Variants in FBXO30 observed in about 807,000 individuals in gnomAD.
FBXO30 encodes F-box only protein 30.
A neutral mutation model predicts 58.1 loss-of-function variants in FBXO30; 21 were observed. The observed-to-expected ratio is 0.36, with a 90% CI of 0.26 to 0.52. The LOEUF (loss-of-function observed/expected upper bound fraction) is 0.52, where lower values mean the gene tolerates loss of function less well. FBXO30 is among the 20% of genes least tolerant of loss of function. The probability of loss-of-function intolerance (pLI) is 0.93; values close to 1 mark genes in which losing one functional copy is unlikely to be tolerated. For synonymous variants in FBXO30, 309 were observed against 312.4 expected, an observed-to-expected ratio of 0.99 and a Z score of 0.11; for missense variants, 744 against 897.3, an observed-to-expected ratio of 0.83 and a Z score of 2.18.
In FBXO30 at chr6:145,805,419, G is replaced by A. The variant is rs141023654; in HGVS notation, c.987C>T (p.Ser329=). ...ASSDGTSKPS[S]SLAVAAQLRE... ...TAAGTTGTGCTGCCACCGCAAGTGA[G>A]CTGGAAGGTTTTGAAGTGCCATCTG... Residue 329 remains serine, a synonymous_variant, in exon 2 of 3, where the codon AGC becomes AGT. Transcript: ENST00000237281. 5.6e-6 allele frequency: 9 copies of A among 1,613,836 alleles called. No individual in the cohort carries two copies. Among genetic ancestry groups the A allele is most frequent in the African/African-American group, 2.7e-5 (2 of 74,928 alleles).
At position 145,804,598 on chromosome 6, in the gene FBXO30, T is replaced by G. The variant is rs1778105619; in HGVS notation, c.1808A>C (p.Asn603Thr). The change falls in exon 2 of 3, where the codon AAC becomes ACC. Residue 603 changes from asparagine (N) to threonine (T), a missense_variant. Physicochemically the swap from Asn to Thr is moderately conservative, Grantham distance 65. Coordinates refer to ENST00000237281, the MANE Select transcript of FBXO30 (RefSeq NM_032145.5). ...VSTVLVEPAR[N>T]CVLGLHNDHL... The stretch of plus-strand genomic sequence containing the variant: ...GTCATTATGTAATCCCAACACACAG[T>G]TTCTAGCAGGCTCCACTAATACTGT... 1 of 1,613,540 alleles carries G rather than the reference T, an allele frequency of 6.2e-7. No homozygotes were observed. Among genetic ancestry groups the G allele is most frequent in the South Asian group, 1.1e-5 (1 of 91,074 alleles).
chr6:145,798,874 T>C lies in FBXO30; in HGVS notation c.*1232A>G, dbSNP rs1705363368. On this transcript the variant is annotated 3_prime_UTR_variant, in exon 3 of 3. Coordinates refer to ENST00000237281, the MANE Select transcript of FBXO30 (RefSeq NM_032145.5). ...TCAGACTACCAAATGCTAATTTACT[T>C]AAGACAAATTATTTAAGTATATATT... 6.6e-6 allele frequency: 1 copy of C among 152,066 alleles called. No individual in the cohort carries two copies. The highest frequency in any genetic ancestry group is 2.4e-5 in the African/African-American group (1 of 41,436). The allele number at this position is 152,066 out of a possible 1,614,324, so 9.4% of individuals were successfully genotyped here.
chr6:145,805,560 A>G lies in FBXO30; in HGVS notation c.846T>C (p.Ala282=). The change falls in exon 2 of 3, where the codon GCT becomes GCC. Residue 282 remains alanine, a synonymous_variant. Transcript: ENST00000237281. ...DLNTSSYDTS[A]LCNGFPLENI... ...TTTCCAAAGGAAAGCCATTACAAAG[A>G]GCAGAAGTGTCATAAGAACTTGTAT... 1 of 1,612,034 alleles carries G rather than the reference A, an allele frequency of 6.2e-7. No individual in the cohort carries two copies. Among genetic ancestry groups the G allele is most frequent in the Non-Finnish European group, 8.5e-7 (1 of 1,179,256 alleles).
At chr6:145,808,187 AT>A (rs767650486) in intron 1 of FBXO30, among the ~76,000 whole-genome samples, 209 of 147,310 alleles carry the variant, frequency 1.4e-3, no homozygotes, top group African/African-American at 4.2e-3. Flanking sequence ...CTTTACCACC[AT>A]TTTTTTTTTC....
rs1404780417 is a variant in FBXO30, at chr6:145,797,036, G to C, written c.*3070C>G. 1 of 151,678 alleles carries C rather than the reference G, an allele frequency of 6.6e-6. No individual in the cohort carries two copies. The highest frequency in any genetic ancestry group is 1.5e-5 in the Non-Finnish European group (1 of 67,830). The allele number at this position is 151,678 out of a possible 1,614,324, so 9.4% of individuals were successfully genotyped here. On this transcript the variant is annotated 3_prime_UTR_variant, in exon 3 of 3. Coordinates refer to ENST00000237281, the MANE Select transcript of FBXO30 (RefSeq NM_032145.5). ...AAGATCCCTAAAAATATTTTTTGTA[G>C]GATTTAATCCAATATTTGTCTACTT...
At position 145,800,170 on chromosome 6, in the gene FBXO30, C is replaced by A; in HGVS notation, c.2174G>T (p.Cys725Phe). The change falls in exon 3 of 3, where the codon TGT becomes TTT. Residue 725 changes from cysteine to phenylalanine, a missense_variant. Transcript: ENST00000237281. ...TTCTTTAGTGAGTTCTCGTGTCACA[C>A]ACATACATGGCAAAGGGATTGCTTC... ...REEAIPLPCM[C>F]VTRELTKEGR... is the part of the protein sequence containing the mutation. 6.2e-7 allele frequency: 1 copy of A among 1,613,146 alleles called. No individual in the cohort carries two copies.
At chr6:145,802,962 G>T (rs545311673) in intron 2 of FBXO30, among the ~76,000 whole-genome samples, 1 of 152,196 alleles carries the variant, frequency 6.6e-6, no homozygotes, top group African/African-American at 2.4e-5. Flanking sequence ...AGACTAAGAG[G>T]GGGAGGACTG....
chr6:145,795,720 C>A lies in FBXO30; in HGVS notation c.*4386G>T, dbSNP rs965382328. ...TATAAAACAATCTGAATACAAAATG[C>A]CAGTTTTGAAATGTGCTAAGGTAAC... On this transcript the variant is annotated 3_prime_UTR_variant, in exon 3 of 3. Coordinates refer to ENST00000237281, the MANE Select transcript of FBXO30 (RefSeq NM_032145.5). 1 of 151,740 alleles carries A rather than the reference C, an allele frequency of 6.6e-6. No individual in the cohort carries two copies. Among genetic ancestry groups the A allele is most frequent in the Non-Finnish European group, 1.5e-5 (1 of 67,808 alleles). 9.4% of individuals were successfully genotyped at this position (151,740 alleles called of 1,614,324 possible).
chr6:145,795,607 T>G lies in FBXO30; in HGVS notation c.*4499A>C, dbSNP rs897094609. 6.6e-6 allele frequency: 1 copy of G among 151,940 alleles called. No individual in the cohort carries two copies. The highest frequency in any genetic ancestry group is 1.5e-5 in the Non-Finnish European group (1 of 67,858). The allele number at this position is 151,940 out of a possible 1,614,324, so 9.4% of individuals were successfully genotyped here. ...TGCATCAATGAATTTTTATTATATT[T>G]CTATAGAGCATGTTCATGAATATTC... On this transcript the variant is annotated 3_prime_UTR_variant, in exon 3 of 3. Transcript: ENST00000237281.
chr6:145,806,099 C>G lies in FBXO30; in HGVS notation c.307G>C (p.Asp103His). 3.7e-6 allele frequency: 6 copies of G among 1,614,054 alleles called. No individual in the cohort carries two copies. In the Admixed American group the frequency reaches 1.0e-4, roughly 27 times the overall value. ...EWNRWPVSYA[D>H]RKSYENLSRD... is the part of the protein sequence containing the mutation. ...CTTAGATTTTCATATGATTTCCGGTCTGCATAACTAACTGGCCATCGATTC... is the reference window on the plus strand; with the variant it reads ...CTTAGATTTTCATATGATTTCCGGTGTGCATAACTAACTGGCCATCGATTC... The change falls in exon 2 of 3, where the codon GAC becomes CAC. Residue 103 changes from aspartate (D) to histidine (H), a missense_variant. Around this residue, in one of 3 missense-constraint regions of FBXO30, gnomAD observed 135 missense variants for 201.6 expected, o/e 0.67. Coordinates refer to ENST00000237281, the MANE Select transcript of FBXO30 (RefSeq NM_032145.5).
chr6:145,813,343 T>G (rs1583204217), intron 1 of FBXO30, among the ~76,000 whole-genome samples: 1 of 148,568 alleles, frequency 6.7e-6, no homozygotes, highest in Non-Finnish European at 1.5e-5. Flanking sequence ...AAAAGTTACG[T>G]CACGGCATTA....
At chr6:145,806,961 T>C (rs1302245110) in intron 1 of FBXO30, among the ~76,000 whole-genome samples, 1 of 152,220 alleles carries the variant, frequency 6.6e-6, no homozygotes, top group Non-Finnish European at 1.5e-5. Flanking sequence ...TCTCTCCTTC[T>C]ATATATGCCT....
intron 2 of FBXO30, among the ~76,000 whole-genome samples, chr6:145,802,568 A>G (rs888086582): frequency 6.6e-6 from 1 of 152,180 alleles, no homozygotes; most frequent in African/African-American, 2.4e-5. Context: ...GAGATTATGA[A>G]AAGTCTCAAA....
chr6:145,804,253 C>A, intron 2 of FBXO30, 119 bp downstream of exon 2: 1 of 847,228 alleles, frequency 1.2e-6, no homozygotes, highest in Non-Finnish European at 1.8e-6. Flanking sequence ...TGTCATCACA[C>A]TGATTTAGTA....
Position 145,804,262 on chromosome 6 carries a change from T to C in FBXO30, c.2034+110A>G. 3.2e-6 allele frequency: 3 copies of C among 928,552 alleles called. No homozygotes were observed. In the South Asian group the frequency reaches 5.4e-5, roughly 17 times the overall value. The allele number at this position is 928,552 out of a possible 1,614,324, so 57.5% of individuals were successfully genotyped here. A position where few individuals can be genotyped will look rare whatever the true frequency, so the allele number is the denominator to read the frequency against. ...AAAGTCTGTCATCACACTGATTTAGTAAGTTTTAGGGAATGGTCAATTTCT... is the reference window on the plus strand; with the variant it reads ...AAAGTCTGTCATCACACTGATTTAGCAAGTTTTAGGGAATGGTCAATTTCT... On this transcript the variant is annotated intron_variant, in intron 2 of 2. Coordinates refer to ENST00000237281, the MANE Select transcript of FBXO30 (RefSeq NM_032145.5).
rs987879306 is a variant in FBXO30, at chr6:145,799,912, A to T, written c.*194T>A. The T allele has an allele frequency of 1.7e-5, 7 of 421,650 alleles. No individual in the cohort carries two copies. Among genetic ancestry groups the T allele is most frequent in the Non-Finnish European group, 2.9e-5 (7 of 238,646 alleles). The allele number at this position is 421,650 out of a possible 1,614,324, so 26.1% of individuals were successfully genotyped here. ...CTGTCCAGCAAGTTCCAAAAATTTC[A>T]CACATTTCAAACATTAAGGCAACTT... On this transcript the variant is annotated 3_prime_UTR_variant, in exon 3 of 3. Coordinates refer to ENST00000237281, the MANE Select transcript of FBXO30 (RefSeq NM_032145.5).
chr6:145,796,244 A>C lies in FBXO30; in HGVS notation c.*3862T>G, dbSNP rs928696103. 6.6e-6 allele frequency: 1 copy of C among 151,992 alleles called. No homozygotes were observed. Among genetic ancestry groups the C allele is most frequent in the African/African-American group, 2.4e-5 (1 of 41,424 alleles). 9.4% of individuals were successfully genotyped at this position (151,992 alleles called of 1,614,324 possible). ...AATAATTATGTAAAAGATGACTTCA[A>C]AAGCAAACCATCTTTCCTTTTCCCT... On this transcript the variant is annotated 3_prime_UTR_variant, in exon 3 of 3. Coordinates refer to ENST00000237281, the MANE Select transcript of FBXO30 (RefSeq NM_032145.5).
chr6:145,808,227 C>A (rs545658002), intron 1 of FBXO30, among the ~76,000 whole-genome samples: 4 of 135,612 alleles, frequency 2.9e-5, no homozygotes, highest in Non-Finnish European at 6.3e-5. Context: ...AAAAGAAAAA[C>A]TGAAAACCAC....
intron 1 of FBXO30, among the ~76,000 whole-genome samples, chr6:145,812,455 C>T (rs1029436936): frequency 5.9e-5 from 9 of 152,192 alleles, no homozygotes; most frequent in Admixed American, 3.3e-4. Flanking sequence ...TTTATTAAAA[C>T]AGGTAACATG....
Sources: gnomAD v4.1 joint callset for allele counts (sites outside exome capture counted in the v4.1 genomes callset) on GRCh38, gnomAD v4.1.1 for gene constraint, gnomAD v4.1.1 regional missense constraint, MANE v1.5 for transcripts, NCBI Gene and HGNC (gene_info 2026-07-23, HGNC 2026-07-21) for gene names.